NR2F1-AS1: variants seen among roughly 807,000 people sequenced by gnomAD.
NR2F1-AS1 encodes NR2F1 antisense RNA 1.
intron 4 of NR2F1-AS1, among the ~76,000 whole-genome samples, chr5:93,452,434 G>A (rs1749857232): frequency 6.6e-6 from 1 of 152,176 alleles, no homozygotes; most frequent in African/African-American, 2.4e-5. Context: ...TCCACACAGA[G>A]CCCAGCAGTC....
chr5:93,478,071 T>A (rs1750521663), intron 4 of NR2F1-AS1, among the ~76,000 whole-genome samples: 1 of 152,162 alleles, frequency 6.6e-6, no homozygotes, highest in South Asian at 2.1e-4. Context: ...CAGCAACTTT[T>A]CTGCCCAATT....
chr5:93,581,886 C>G (rs1422029986), upstream of NR2F1-AS1, among the ~76,000 whole-genome samples: 1 of 77,474 alleles, frequency 1.3e-5, no homozygotes, highest in Admixed American at 1.3e-4. Context: ...CTCTCTCTCT[C>G]GGTCTCTCTC....
At chr5:93,564,187 A>AAG (rs1752565692) in intron 1 of NR2F1-AS1, among the ~76,000 whole-genome samples, 1 of 147,282 alleles carries the variant, frequency 6.8e-6, no homozygotes, top group Admixed American at 6.9e-5. Flanking sequence ...AGCACAGACA[A>AAG]AGCTACTATT....
At chr5:93,570,090 C>T (rs1343811371) in intron 1 of NR2F1-AS1, 1 of 152,188 alleles carries the variant, frequency 6.6e-6, no homozygotes, top group Non-Finnish European at 1.5e-5. Flanking sequence ...TCTAGAAAAA[C>T]TCTTAAGATA....
chr5:93,525,798 T>C (rs1167900272), intron 4 of NR2F1-AS1, among the ~76,000 whole-genome samples: 1 of 152,154 alleles, frequency 6.6e-6, no homozygotes, highest in Admixed American at 6.6e-5. Flanking sequence ...AATAAGTTCT[T>C]AGAAACCAAT....
chr5:93,507,183 C>T (rs185376831), intron 4 of NR2F1-AS1, among the ~76,000 whole-genome samples: 7 of 152,176 alleles, frequency 4.6e-5, no homozygotes, highest in African/African-American at 9.6e-5. Flanking sequence ...ACTAAGAATA[C>T]AAGAAAATTC....
chr5:93,447,403 C>G (rs1403766352), intron 4 of NR2F1-AS1, among the ~76,000 whole-genome samples: 1 of 152,156 alleles, frequency 6.6e-6, no homozygotes, highest in Non-Finnish European at 1.5e-5. Context: ...AAGATAGGAA[C>G]AGACACTTCT....
At chr5:93,500,470 A>G (rs78398513) in intron 4 of NR2F1-AS1, among the ~76,000 whole-genome samples, 16 of 142,342 alleles carry the variant, frequency 1.1e-4, no homozygotes, top group African/African-American at 3.0e-4. Flanking sequence ...TGCTCAGGGG[A>G]AAAAAAAAAA....
At chr5:93,414,564 G>T (rs747934089) in intron 4 of NR2F1-AS1, among the ~76,000 whole-genome samples, 1 of 152,134 alleles carries the variant, frequency 6.6e-6, no homozygotes, top group Non-Finnish European at 1.5e-5. Flanking sequence ...AATGTGTCAG[G>T]GCTGAGTGTT....
intron 4 of NR2F1-AS1, among the ~76,000 whole-genome samples, chr5:93,430,076 A>G (rs1471167619): frequency 6.6e-6 from 1 of 152,194 alleles, no homozygotes; most frequent in Non-Finnish European, 1.5e-5. Flanking sequence ...AGTCCTCGAC[A>G]ATTAATTTTT....
At chr5:93,482,774 G>A (rs1245581897) in intron 4 of NR2F1-AS1, among the ~76,000 whole-genome samples, 1 of 152,168 alleles carries the variant, frequency 6.6e-6, no homozygotes, top group African/African-American at 2.4e-5. Context: ...AGGGAGAGGC[G>A]TCCACCATTA....
intron 4 of NR2F1-AS1, among the ~76,000 whole-genome samples, chr5:93,504,781 T>TC (rs1415450767): frequency 1.3e-5 from 2 of 151,702 alleles, no homozygotes; most frequent in Non-Finnish European, 2.9e-5. Flanking sequence ...TTCAATTACC[T>TC]CCCCCTGGGT....
intron 1 of NR2F1-AS1, among the ~76,000 whole-genome samples, chr5:93,565,007 C>T (rs1052435832): frequency 5.9e-5 from 9 of 151,942 alleles, no homozygotes; most frequent in East Asian, 1.9e-4. Flanking sequence ...AAAGATAGTC[C>T]GAGAAAAAAA....
At chr5:93,548,932 A>C (rs891215035) in intron 4 of NR2F1-AS1, among the ~76,000 whole-genome samples, 6 of 152,176 alleles carry the variant, frequency 3.9e-5, no homozygotes, top group African/African-American at 1.4e-4. Context: ...TCCATTTCTA[A>C]TTCCTTAATT....
At chr5:93,533,378 C>T (rs918771387) in intron 4 of NR2F1-AS1, among the ~76,000 whole-genome samples, 1 of 152,074 alleles carries the variant, frequency 6.6e-6, no homozygotes, top group Non-Finnish European at 1.5e-5. Context: ...ATTAAACTTA[C>T]AAAAATGCTG....
chr5:93,479,977 C>A (rs1750566529), intron 4 of NR2F1-AS1, among the ~76,000 whole-genome samples: 1 of 151,972 alleles, frequency 6.6e-6, no homozygotes, highest in Admixed American at 6.6e-5. Flanking sequence ...TATACTTACC[C>A]AGTCTTATGA....
intron 4 of NR2F1-AS1, among the ~76,000 whole-genome samples, chr5:93,463,805 G>A (rs535498210): frequency 7.2e-5 from 11 of 152,176 alleles, no homozygotes; most frequent in South Asian, 4.2e-4. Flanking sequence ...CCTTTGTTTC[G>A]GCCAATTTCT....
chr5:93,425,181 T>G (rs1313277293), intron 4 of NR2F1-AS1, among the ~76,000 whole-genome samples: 1 of 152,188 alleles, frequency 6.6e-6, no homozygotes, highest in Non-Finnish European at 1.5e-5. Context: ...AAATCTGGGC[T>G]GACAAATGAT....
upstream of NR2F1-AS1, among the ~76,000 whole-genome samples, chr5:93,582,189 C>T (rs185471962): frequency 9.4e-4 from 140 of 148,444 alleles, no homozygotes; most frequent in Middle Eastern, 6.9e-3. Context: ...TAATCTCCCC[C>T]CACCCTGCAA....
Sources: gnomAD v4.1 joint callset for allele counts (sites outside exome capture counted in the v4.1 genomes callset) on GRCh38, gnomAD v4.1.1 for gene constraint, MANE v1.5 for transcripts, NCBI Gene and HGNC (gene_info 2026-07-23, HGNC 2026-07-21) for gene names.